The following FOCAD variants were observed in gnomAD, a reference collection of about 807,000 sequenced individuals.
The protein encoded by FOCAD is KIAA1797.
FOCAD carries 198 observed loss-of-function variants against 225.6 expected under a neutral mutation model. The ratio of observed to expected loss-of-function variants is 0.88; its 90% CI spans 0.78 to 0.99. The LOEUF (loss-of-function observed/expected upper bound fraction) is 0.99. FOCAD is among the 50% of genes least tolerant of loss of function. The probability of loss-of-function intolerance (pLI) is 0.00; values close to 1 mark genes in which losing one functional copy is unlikely to be tolerated. For missense variants in FOCAD, 2,713 were observed against 2,123.6 expected (o/e 1.28, Z -5.46); for synonymous variants, 897 against 755.0 (o/e 1.19, Z -3.08).
rs535682198 is a variant in FOCAD, at chr9:20,967,223, A to G, written c.4133-9197A>G. Among the ~76,000 whole-genome samples, 169 of 152,236 alleles carry G rather than the reference A, an allele frequency of 1.1e-3. 2 individuals are homozygous for G. Among genetic ancestry groups the G allele is most frequent in the African/African-American group, 3.9e-3 (164 of 41,546 alleles). On this transcript the variant is annotated intron_variant, in intron 35 of 43. Coordinates refer to ENST00000338382, the MANE Select transcript of FOCAD (RefSeq NM_001375567.1). ...TAGCATATTCTAAACTTTTCGGTGTATAAGTCTTTACCCTTGGTGAAATCT... is the reference window on the plus strand; with the variant it reads ...TAGCATATTCTAAACTTTTCGGTGTGTAAGTCTTTACCCTTGGTGAAATCT...
intron 21 of FOCAD, among the ~76,000 whole-genome samples, chr9:20,897,339 A>G (rs1364833616): frequency 6.6e-6 from 1 of 151,420 alleles, no homozygotes; most frequent in Non-Finnish European, 1.5e-5. Flanking sequence ...TTTTTGATCT[A>G]CTTTGACAAT....
chr9:20,923,669 G>A lies in FOCAD; in HGVS notation c.2862G>A (p.Pro954=), dbSNP rs59400819. The A allele has an allele frequency of 2.6e-3, 4,168 of 1,613,638 alleles. 105 individuals are homozygous for A. The African/African-American group carries it at 0.049, about 19-fold the overall frequency. ...EITKAAAKES[P]VVKGNALLAL... ...TTTTCCTTTTGAACAGGGAGAGTCCGGTAGTGAAAGGCAATGCGCTGTTAG... is the reference window on the plus strand; with the variant it reads ...TTTTCCTTTTGAACAGGGAGAGTCCAGTAGTGAAAGGCAATGCGCTGTTAG... Residue 954 remains proline, a synonymous_variant, in exon 25 of 44, where the codon CCG becomes CCA. Coordinates refer to ENST00000338382, the MANE Select transcript of FOCAD (RefSeq NM_001375567.1).
chr9:20,981,755 G>T, intron 38 of FOCAD, 69 bp downstream of exon 38: 2 of 1,513,708 alleles, frequency 1.3e-6, no homozygotes, highest in South Asian at 1.3e-5. Context: ...TCTTGGCAAA[G>T]TGGGGAGGTG....
At chr9:20,855,054 GA>G (rs1403505644) in intron 15 of FOCAD, among the ~76,000 whole-genome samples, 4 of 151,288 alleles carry the variant, frequency 2.6e-5, no homozygotes, top group African/African-American at 9.7e-5. Context: ...AATTTAAAAG[GA>G]AAAAATGTTA....
In FOCAD at chr9:20,700,539, A is replaced by T. The variant is rs185805374; in HGVS notation, c.-32-14783A>T. 2.7e-3 allele frequency among the ~76,000 whole-genome samples: 406 copies of T among 152,270 alleles called. 3 individuals carry two copies. Among genetic ancestry groups the T allele is most frequent in the Admixed American group, 6.2e-3 (95 of 15,300 alleles). ...ACAAAAATGATTCGCCTAGTTAAAA[A>T]AAAAAAAAACTGGGAGTTTAGGATG... On this transcript the variant is annotated intron_variant, in intron 1 of 43. Transcript: ENST00000338382.
chr9:20,822,124 A>G (rs1824398912), intron 14 of FOCAD, among the ~76,000 whole-genome samples: 1 of 150,966 alleles, frequency 6.6e-6, no homozygotes, highest in Non-Finnish European at 1.5e-5. Context: ...TGACATTCTT[A>G]TTCTATATAA....
intron 2 of FOCAD, among the ~76,000 whole-genome samples, chr9:20,661,416 A>G (rs1428029215): frequency 6.6e-6 from 1 of 152,160 alleles, no homozygotes; most frequent in Non-Finnish European, 1.5e-5. Flanking sequence ...GCAGGCTGTG[A>G]TAGAAAAACC....
At chr9:20,793,928 G>A (rs1820797611) in intron 11 of FOCAD, among the ~76,000 whole-genome samples, 1 of 152,126 alleles carries the variant, frequency 6.6e-6, no homozygotes, top group Admixed American at 6.5e-5. Flanking sequence ...GTGGGGATCG[G>A]TCCTCTCCAT....
At position 20,821,004 on chromosome 9, in the gene FOCAD, G is replaced by C. The variant is rs746075137; in HGVS notation, c.1726G>C (p.Gly576Arg). Residue 576 changes from glycine (G) to arginine (R), a missense_variant, in exon 14 of 44, where the codon GGC becomes CGC. Transcript: ENST00000338382. ...AVSDVPSLSV[G>R]KEVQWEKLIA... The stretch of plus-strand genomic sequence containing the variant: ...GTCTGATGTACCTTCTCTTTCGGTG[G>C]GCAAGGAAGTCCAATGGGAGAAACT... 5.6e-6 allele frequency: 9 copies of C among 1,612,664 alleles called. No individual in the cohort carries two copies. The East Asian group carries it at 2.0e-4, about 36-fold the overall frequency.
chr9:20,737,083 G>C (rs978409886), intron 4 of FOCAD, among the ~76,000 whole-genome samples: 3 of 152,108 alleles, frequency 2.0e-5, no homozygotes, highest in African/African-American at 7.2e-5. Flanking sequence ...ATCTACTCAT[G>C]CTACACTCTT....
intron 15 of FOCAD, among the ~76,000 whole-genome samples, chr9:20,845,990 T>C (rs1431241422): frequency 6.6e-6 from 1 of 152,196 alleles, no homozygotes; most frequent in East Asian, 1.9e-4. Context: ...TGAGGTTTTG[T>C]ACTAGAAATT....
At chr9:20,689,854 G>T (rs1432930968) in intron 1 of FOCAD, among the ~76,000 whole-genome samples, 2 of 152,174 alleles carry the variant, frequency 1.3e-5, no homozygotes, top group Non-Finnish European at 2.9e-5. Context: ...AGGACAGTTG[G>T]CATAGTACTG....
chr9:20,898,272 T>G (rs1172935774), intron 21 of FOCAD, among the ~76,000 whole-genome samples: 1 of 151,878 alleles, frequency 6.6e-6, no homozygotes, highest in African/African-American at 2.4e-5. Flanking sequence ...TGGTTTGATG[T>G]CTGACATTAA....
intron 1 of FOCAD, among the ~76,000 whole-genome samples, chr9:20,699,723 G>C (rs1252850081): frequency 2.1e-5 from 2 of 94,572 alleles, no homozygotes; most frequent in African/African-American, 8.7e-5. Context: ...GGGCTACAGA[G>C]CAAGACTCCG....
chr9:20,993,999 TTCTG>T (rs1055578770), intron 43 of FOCAD, among the ~76,000 whole-genome samples: 3 of 152,228 alleles, frequency 2.0e-5, no homozygotes, highest in African/African-American at 7.2e-5. Flanking sequence ...TTTTTCCTGC[TTCTG>T]TGTGTGTTGT....
chr9:20,937,493 T>C (rs982060727), intron 28 of FOCAD, among the ~76,000 whole-genome samples: 1 of 151,842 alleles, frequency 6.6e-6, no homozygotes, highest in Non-Finnish European at 1.5e-5. Flanking sequence ...ATTCCCTATT[T>C]AATAAATGGT....
At chr9:20,684,102 G>A (rs1402096353), upstream of FOCAD, 6 of 152,330 alleles carry the variant, frequency 3.9e-5, no homozygotes, top group Non-Finnish European at 7.3e-5. Flanking sequence ...CAACCGCAGT[G>A]CGCGGCCCGG....
Position 20,758,168 on chromosome 9 carries a change from G to A in FOCAD, c.471G>A (p.Ala157=), listed in dbSNP as rs778679930. 1.9e-5 allele frequency: 31 copies of A among 1,611,854 alleles called. No individual in the cohort carries two copies. The highest frequency in any genetic ancestry group is 4.5e-5 in the East Asian group (2 of 44,752). The change falls in exon 6 of 44, where the codon GCG becomes GCA. Residue 157 remains alanine (A), a synonymous_variant. Coordinates refer to ENST00000338382, the MANE Select transcript of FOCAD (RefSeq NM_001375567.1). The part of the protein sequence containing the change: ...CWPVFLQQLT[A]FFQQCPERLE... ...CAGTGTTTTTGCAGCAGCTGACAGC[G>A]TTTTTCCAGCAGTGCCCTGAAAGGT...
At chr9:20,903,077 C>G (rs1343243454) in intron 21 of FOCAD, among the ~76,000 whole-genome samples, 1 of 151,764 alleles carries the variant, frequency 6.6e-6, no homozygotes, top group Non-Finnish European at 1.5e-5. Context: ...CAACCAGCAC[C>G]ACGGTCAAGA....
Sources: allele counts gnomAD v4.1 joint callset (sites outside exome capture counted in the v4.1 genomes callset), GRCh38; gene constraint gnomAD v4.1.1; transcripts MANE v1.5; gene names NCBI Gene and HGNC (gene_info 2026-07-23, HGNC 2026-07-21).